Variants in THOC2 observed in about 807,000 individuals in gnomAD.
The protein encoded by THOC2 is THO complex 2.
Under a neutral mutation model 128.4 loss-of-function variants are expected in THOC2, and 10 were observed. The ratio of observed to expected loss-of-function variants is 0.08; its 90% confidence interval spans 0.05 to 0.13. The LOEUF (loss-of-function observed/expected upper bound fraction) is 0.13. Among genes scored for constraint, THOC2 ranks in the 10% least tolerant of loss-of-function variants. The pLI, the probability that THOC2 is intolerant of heterozygous loss-of-function variation, is 1.00. For synonymous variants in THOC2, 393 were observed against 396.9 expected, an observed-to-expected ratio of 0.99 and a Z score of 0.12; for missense variants, 535 against 1,155.7, an observed-to-expected ratio of 0.46 and a Z score of 7.79.
chrX:123,624,446 A>C (rs887621335), intron 26 of THOC2, 95 bp downstream of exon 26: 2 of 948,369 alleles, frequency 2.1e-6, no homozygotes, highest in African/African-American at 2.0e-5. Context: ...CTGAATCTTA[A>C]ACTCAGCTTC....
intron 9 of THOC2, among the ~76,000 whole-genome samples, chrX:123,669,222 G>A (rs1303601398): frequency 9.1e-6 from 1 of 109,941 alleles, no homozygotes; most frequent in African/African-American, 3.3e-5. Flanking sequence ...AAGGAAGTAA[G>A]CAAGACTTTT....
intron 22 of THOC2, among the ~76,000 whole-genome samples, chrX:123,631,095 T>C (rs1025564279): frequency 8.9e-6 from 1 of 111,980 alleles, no homozygotes; most frequent in African/African-American, 3.2e-5. Context: ...GGTGTTCCTG[T>C]TTGCTAGGAT....
intron 20 of THOC2, among the ~76,000 whole-genome samples, 154 bp downstream of exon 20, chrX:123,633,799 A>C (rs900714684): frequency 1.8e-5 from 2 of 112,006 alleles, no homozygotes; most frequent in Non-Finnish European, 3.8e-5. Flanking sequence ...ACTGTATCTC[A>C]ATTTCAAAAG....
intron 30 of THOC2, among the ~76,000 whole-genome samples, chrX:123,622,179 C>T (rs1461294383): frequency 8.9e-6 from 1 of 111,821 alleles, no homozygotes; most frequent in Non-Finnish European, 1.9e-5. Flanking sequence ...AGGCAAATCA[C>T]GTGAGGCCAG....
chrX:123,639,225 C>T (rs2047809442), intron 16 of THOC2, among the ~76,000 whole-genome samples, 198 bp from the exon 17 acceptor site: 1 of 111,043 alleles, frequency 9.0e-6, no homozygotes, highest in African/African-American at 3.3e-5. Context: ...TTTATCACTG[C>T]CTTAGAGAAT....
At chrX:123,693,877 A>G (rs1026086072) in intron 7 of THOC2, among the ~76,000 whole-genome samples, 6 of 111,676 alleles carry the variant, frequency 5.4e-5, no homozygotes, top group Non-Finnish European at 9.4e-5. Context: ...GGGTTAAAAT[A>G]TAGGTTTAGC....
chrX:123,625,633 T>C (rs749135801), intron 25 of THOC2, among the ~76,000 whole-genome samples: 1 of 110,597 alleles, frequency 9.0e-6, no homozygotes, highest in African/African-American at 3.3e-5. Flanking sequence ...TGAGTGCCTA[T>C]TACATATCAG....
In THOC2 at chrX:123,613,102, G is replaced by A. The variant is rs182163626; in HGVS notation, c.4677+297C>T. Among the ~76,000 whole-genome samples, 8 of 111,067 alleles carry A rather than the reference G, an allele frequency of 7.2e-5. No individual in the cohort carries two copies. In the East Asian group the frequency reaches 2.2e-3, roughly 31 times the overall value. On this transcript the variant is annotated intron_variant, in intron 36 of 38. Coordinates refer to ENST00000245838, the MANE Select transcript of THOC2 (RefSeq NM_001081550.2). ...AAAGAGAAACTAAAAGCAAAGAGTT[G>A]GTGGAGAAAAAAGAAAATGCAAAGA...
chrX:123,677,732 T>A (rs2049561559), intron 8 of THOC2, among the ~76,000 whole-genome samples: 1 of 108,940 alleles, frequency 9.2e-6, no homozygotes, highest in Non-Finnish European at 1.9e-5. Flanking sequence ...TAGCCAGGCT[T>A]AGTGGCAGGC....
intron 38 of THOC2, chrX:123,603,419 C>T (rs1030540365): frequency 2.8e-6 from 1 of 358,364 alleles, no homozygotes; most frequent in Non-Finnish European, 4.8e-6. Context: ...ATTTCCTCTC[C>T]TTTCAGAGAA....
chrX:123,667,630 C>T (rs1603289065), intron 10 of THOC2, among the ~76,000 whole-genome samples: 1 of 110,444 alleles, frequency 9.1e-6, no homozygotes, highest in South Asian at 3.9e-4. Context: ...CCCAGCTACT[C>T]AGGAGGCTAA....
intron 16 of THOC2, 35 bp from the exon 17 acceptor site, chrX:123,639,062 C>A: frequency 1.3e-6 from 1 of 791,429 alleles, no homozygotes; most frequent in South Asian, 2.7e-5. Context: ...AAGGCATTAA[C>A]TGATCAAAGG....
At chrX:123,656,774 C>T (rs1284807923) in intron 12 of THOC2, among the ~76,000 whole-genome samples, 6 of 110,510 alleles carry the variant, frequency 5.4e-5, no homozygotes, top group African/African-American at 2.0e-4. Flanking sequence ...CTTTGGGAGG[C>T]GGAGGTGGGT....
At chrX:123,660,961 T>C (rs780595498) in intron 12 of THOC2, among the ~76,000 whole-genome samples, 1 of 112,199 alleles carries the variant, frequency 8.9e-6, no homozygotes, top group African/African-American at 3.2e-5. Flanking sequence ...TATATATATA[T>C]ACACAATGGA....
At chrX:123,629,788 T>C (rs369185332) in intron 22 of THOC2, among the ~76,000 whole-genome samples, 1 of 111,692 alleles carries the variant, frequency 9.0e-6, no homozygotes, top group Non-Finnish European at 1.9e-5. Context: ...AGGTAACTAA[T>C]ATGAATCTAG....
At position 123,723,160 on chromosome X, in the gene THOC2, C is replaced by T. The variant is rs759214045; in HGVS notation, c.71+9792G>A. On this transcript the variant is annotated intron_variant, in intron 1 of 38. Transcript: ENST00000245838. ...CGCCACCACCGCACTCCAAACTAGG[C>T]GACAGAGCAAGACTCTGTCTCAAAC... Among the ~76,000 whole-genome samples, 38 of 110,475 alleles carry T rather than the reference C, an allele frequency of 3.4e-4. No individual in the cohort carries two copies. In the East Asian group the frequency reaches 4.5e-3, roughly 13 times the overall value.
In THOC2 at chrX:123,696,765, T is replaced by C; in HGVS notation, c.423A>G (p.Ser141=). 8.3e-7 allele frequency: 1 copy of C among 1,204,758 alleles called. No individual in the cohort carries two copies. ...TAACTGACTTTTGATTGAATTGCTG[T>C]GATTGTTTGATAAGCCCTAATGATT... ...TLESLGLIKQ[S]QQFNQKSVKI... Residue 141 remains serine, a synonymous_variant, in exon 6 of 39, where the codon TCA becomes TCG. Transcript: ENST00000245838.
intron 38 of THOC2, among the ~76,000 whole-genome samples, chrX:123,608,828 G>A (rs2046586334): frequency 8.9e-6 from 1 of 112,296 alleles, no homozygotes; most frequent in South Asian, 3.7e-4. Context: ...TGTCAATGAG[G>A]AATTCAACAG....
chrX:123,645,311 A>G, intron 13 of THOC2, 23 bp downstream of exon 13: 1 of 1,092,578 alleles, frequency 9.2e-7, no homozygotes, highest in Non-Finnish European at 1.2e-6. Flanking sequence ...TAGACACATT[A>G]TTGGATTTTT....
Sources: allele counts gnomAD v4.1 joint callset (sites outside exome capture counted in the v4.1 genomes callset), GRCh38; gene constraint gnomAD v4.1.1; transcripts MANE v1.5; gene names NCBI Gene and HGNC (gene_info 2026-07-23, HGNC 2026-07-21).